The following NECAP1 variants were observed in gnomAD, a reference collection of about 807,000 sequenced individuals.
NECAP1 encodes the protein NECAP endocytosis associated 1, also known as adaptin ear-binding coat-associated protein 1.
Under a neutral mutation model 33.4 loss-of-function variants are expected in NECAP1, and 13 were observed. The ratio of observed to expected loss-of-function variants is 0.39; its 90% CI spans 0.25 to 0.62. The LOEUF is 0.62. Ranked by LOEUF, NECAP1 falls within the 20% of genes least tolerant of loss-of-function variation. The pLI is 0.52. For synonymous variants in NECAP1, 109 were observed against 125.2 expected (o/e 0.87, Z 0.86); for missense variants, 272 against 347.4 (o/e 0.78, Z 1.73).
At chr12:8,085,315 G>A (rs1947478085) in intron 1 of NECAP1, among the ~76,000 whole-genome samples, 1 of 152,180 alleles carries the variant, frequency 6.6e-6, no homozygotes, top group Non-Finnish European at 1.5e-5. Context: ...ACCGCACCCG[G>A]CCTACTTCAA....
At chr12:8,095,555 G>C (rs779162435) in intron 6 of NECAP1, 46 bp from the exon 7 acceptor site, 3 of 1,528,400 alleles carry the variant, frequency 2.0e-6, no homozygotes, top group Non-Finnish European at 2.7e-6. Context: ...GCCCTTCCAA[G>C]ATTTTGATTA....
Position 8,090,045 on chromosome 12 carries a change from T to C in NECAP1, c.196+9T>C. The C allele has an allele frequency of 6.2e-7, 1 of 1,608,336 alleles. No individual in the cohort carries two copies. The highest frequency in any genetic ancestry group is 8.5e-7 in the Non-Finnish European group (1 of 1,174,752). On this transcript the variant is annotated intron_variant, in intron 2 of 7. Coordinates refer to ENST00000339754, the MANE Select transcript of NECAP1 (RefSeq NM_015509.4). ...CGAGGATAAAGTTTCAGGTAATCTT[T>C]GCGGGTGACCCTCTAACATTAAGAA...
intron 1 of NECAP1, among the ~76,000 whole-genome samples, chr12:8,085,686 C>CTTCTTTTT (rs1947481617): frequency 5.7e-5 from 6 of 104,814 alleles, no homozygotes; most frequent in African/African-American, 1.3e-4. Context: ...ACTTAATCTT[C>CTTCTTTTT]TTTTTTTTTT....
Position 8,082,292 on chromosome 12 carries a change from G to A in NECAP1, c.4G>A (p.Ala2Thr). 1.3e-6 allele frequency: 2 copies of A among 1,589,850 alleles called. No individual in the cohort carries two copies. Among genetic ancestry groups the A allele is most frequent in the Non-Finnish European group, 1.7e-6 (2 of 1,159,818 alleles). The stretch of plus-strand genomic sequence containing the variant: ...CAGCGCCGACAGCGGACCCAAGATG[G>A]CGACCGAGTTGGAGTACGAGTCTGT... MATELEYESVLC... is the reference protein window; with the variant it reads MTTELEYESVLC... The change falls in exon 1 of 8, where the codon GCG becomes ACG. Residue 2 changes from alanine (A) to threonine (T), a missense_variant. By Grantham distance (58) the Ala-to-Thr change is moderately conservative (BLOSUM62 0). Coordinates refer to ENST00000339754, the MANE Select transcript of NECAP1 (RefSeq NM_015509.4).
chr12:8,085,400 C>A (rs1015900922), intron 1 of NECAP1, among the ~76,000 whole-genome samples: 1 of 152,206 alleles, frequency 6.6e-6, no homozygotes, highest in Non-Finnish European at 1.5e-5. Context: ...TTTATACTTA[C>A]ATCAGTTAAC....
Position 8,092,673 on chromosome 12 carries a change from A to C in NECAP1, c.384-3A>C. 6.2e-7 allele frequency: 1 copy of C among 1,608,464 alleles called. No homozygotes were observed. The highest frequency in any genetic ancestry group is 8.5e-7 in the Non-Finnish European group (1 of 1,175,832). On this transcript the variant is annotated splice_region_variant and splice_polypyrimidine_tract_variant and intron_variant, in intron 4 of 7. Coordinates refer to ENST00000339754, the MANE Select transcript of NECAP1 (RefSeq NM_015509.4). ...ACTAAGATAACTTGCTGTGTTCCCA[A>C]AGGTGGGTAAAGCAGGAATCTGAGA... is the stretch of plus-strand genomic sequence containing the variant.
At chr12:8,089,103 C>G (rs1457512458) in intron 1 of NECAP1, 1 of 151,996 alleles carries the variant, frequency 6.6e-6, no homozygotes, top group East Asian at 1.9e-4. Context: ...TATTTTCTAT[C>G]TTCTGTTAGG....
At chr12:8,085,228 C>A (rs1232607924) in intron 1 of NECAP1, among the ~76,000 whole-genome samples, 1 of 152,168 alleles carries the variant, frequency 6.6e-6, no homozygotes, top group African/African-American at 2.4e-5. Flanking sequence ...CTGTGTTGGC[C>A]AGGCTGGTCT....
intron 1 of NECAP1, among the ~76,000 whole-genome samples, chr12:8,085,009 A>G (rs1222580686): frequency 1.3e-5 from 2 of 151,942 alleles, no homozygotes; most frequent in African/African-American, 4.8e-5. Flanking sequence ...GTGGGATTAT[A>G]TTCTTTTTCT....
At position 8,090,118 on chromosome 12, in the gene NECAP1, A is replaced by C. The variant is rs532092148; in HGVS notation, c.197-77A>C. 3,325 of 1,580,900 alleles carry C rather than the reference A, an allele frequency of 2.1e-3. 12 individuals carry two copies. Among genetic ancestry groups the C allele is most frequent in the Middle Eastern group, 6.2e-3 (37 of 5,986 alleles). On this transcript the variant is annotated intron_variant, in intron 2 of 7. Coordinates refer to ENST00000339754, the MANE Select transcript of NECAP1 (RefSeq NM_015509.4). ...AAGTACCTTCAATTTGGGGACTGGA[A>C]TGGAAATACTACTTGTTAATTGGGG...
At chr12:8,087,873 A>C (rs1400484015) in intron 1 of NECAP1, among the ~76,000 whole-genome samples, 1 of 152,056 alleles carries the variant, frequency 6.6e-6, no homozygotes, top group African/African-American at 2.4e-5. Flanking sequence ...TATTTTACAG[A>C]TCCTGTTCAA....
At position 8,096,236 on chromosome 12, in the gene NECAP1, A is replaced by G. The variant is rs1947592728; in HGVS notation, c.*146A>G. On this transcript the variant is annotated 3_prime_UTR_variant, in exon 8 of 8. Transcript: ENST00000339754. Reference sequence around the variant, plus strand: ...TTTCATAGCTTCTCCATCACATTCAAGCTGGTTTATGTCACTCCCCTGTGT... The same window carrying G: ...TTTCATAGCTTCTCCATCACATTCAGGCTGGTTTATGTCACTCCCCTGTGT... 6.2e-6 allele frequency: 5 copies of G among 800,386 alleles called. No homozygotes were observed. The highest frequency in any genetic ancestry group is 9.9e-6 in the Non-Finnish European group (5 of 505,768). The allele number at this position is 800,386 out of a possible 1,614,324, so 49.6% of individuals were successfully genotyped here.
intron 1 of NECAP1, among the ~76,000 whole-genome samples, chr12:8,085,686 C>CTTTTTTTTTTTTTTTTTTTTT (rs554942626): frequency 1.9e-5 from 2 of 104,810 alleles, no homozygotes; most frequent in African/African-American, 4.2e-5. Flanking sequence ...ACTTAATCTT[C>CTTTTTTTTTTTTTTTTTTTTT]TTTTTTTTTT....
rs1487179125 is a variant in NECAP1 at position 8,096,511 on chromosome 12, A to G, written c.*421A>G. ...CTATTTAGCAATTTCAGGGGAGTCA[A>G]AAACCTTGCAACTTCCTTCTCCACT... On this transcript the variant is annotated 3_prime_UTR_variant, in exon 8 of 8. Transcript: ENST00000339754. 6 of 156,358 alleles carry G rather than the reference A, an allele frequency of 3.8e-5. No homozygotes were observed. Among genetic ancestry groups the G allele is most frequent in the African/African-American group, 1.4e-4 (6 of 41,582 alleles). 9.7% of individuals were successfully genotyped at this position (156,358 alleles called of 1,614,324 possible).
Position 8,096,145 on chromosome 12 carries a change from G to T in NECAP1, c.*55G>T. On this transcript the variant is annotated 3_prime_UTR_variant, in exon 8 of 8. Transcript: ENST00000339754. ...TTGAGGAATAAAAATGACCTTGAGGGCACCAATCTGTGAGGGAAGTTAGGA... is the reference window on the plus strand; with the variant it reads ...TTGAGGAATAAAAATGACCTTGAGGTCACCAATCTGTGAGGGAAGTTAGGA... The T allele has an allele frequency of 1.3e-6, 2 of 1,559,338 alleles. No individual in the cohort carries two copies. The highest frequency in any genetic ancestry group is 8.8e-7 in the Non-Finnish European group (1 of 1,137,670).
At chr12:8,090,377 G>A in intron 3 of NECAP1, 78 bp downstream of exon 3, 1 of 1,255,536 alleles carries the variant, frequency 8.0e-7, no homozygotes. Flanking sequence ...GTTTCCGATT[G>A]CATTTATCTT....
intron 1 of NECAP1, among the ~76,000 whole-genome samples, chr12:8,085,274 T>C (rs914403813): frequency 6.6e-6 from 1 of 152,214 alleles, no homozygotes; most frequent in African/African-American, 2.4e-5. Flanking sequence ...TGCCTTGGCC[T>C]CCCAAAGTGC....
chr12:8,088,511 C>CAGA (rs1413355747), intron 1 of NECAP1, among the ~76,000 whole-genome samples: 1 of 152,166 alleles, frequency 6.6e-6, no homozygotes, highest in Non-Finnish European at 1.5e-5. Context: ...AGAATATAGC[C>CAGA]ACTTCTGCTA....
At chr12:8,083,277 G>GA (rs57016098) in intron 1 of NECAP1, among the ~76,000 whole-genome samples, 2,687 of 150,378 alleles carry the variant, frequency 0.018, 69 homozygotes, top group East Asian at 0.063. Flanking sequence ...CTGTAAAATA[G>GA]AAAAAAAAAC....
Sources: gnomAD v4.1 joint callset for allele counts (sites outside exome capture counted in the v4.1 genomes callset) on GRCh38, gnomAD v4.1.1 for gene constraint, MANE v1.5 for transcripts, NCBI Gene and HGNC (gene_info 2026-07-23, HGNC 2026-07-21) for gene names.